The following KGD4 variants were observed in gnomAD, a reference collection of about 807,000 sequenced individuals.
KGD4 encodes alpha-ketoglutarate dehydrogenase component 4.
chr5:69,218,436 CTT>C, the KGD4 span, among the ~76,000 whole-genome samples: 9 of 150,610 alleles, frequency 6.0e-5, no homozygotes, highest in African/African-American at 1.7e-4. Flanking sequence ...GAAAAGTAAA[CTT>C]AAGTTTAATT....
At chr5:69,226,409 G>A in the KGD4 span, 1 of 1,565,866 alleles carries the variant, frequency 6.4e-7, no homozygotes, top group Non-Finnish European at 8.7e-7. Flanking sequence ...ATGGTGAGTT[G>A]TATTTTATTT....
At chr5:69,220,726 C>T in the KGD4 span, among the ~76,000 whole-genome samples, 4 of 151,530 alleles carry the variant, frequency 2.6e-5, no homozygotes, top group Admixed American at 6.6e-5. Flanking sequence ...ATGACGATGG[C>T]GGTTTTGTCG....
the KGD4 span, among the ~76,000 whole-genome samples, chr5:69,222,807 G>A: frequency 6.8e-6 from 1 of 146,134 alleles, no homozygotes; most frequent in East Asian, 2.1e-4. Flanking sequence ...TTTTTTTTGA[G>A]ACAGAGCCTC....
chr5:69,220,666 G>A, the KGD4 span, among the ~76,000 whole-genome samples: 1 of 152,136 alleles, frequency 6.6e-6, no homozygotes, highest in Non-Finnish European at 1.5e-5. Context: ...CCTTTCTGCA[G>A]GTGTACCCAA....
chr5:69,218,470 ATGTGTGTGTGTG>A, the KGD4 span, among the ~76,000 whole-genome samples: 9 of 148,632 alleles, frequency 6.1e-5, no homozygotes, highest in African/African-American at 1.7e-4. Context: ...GTGTATATTA[ATGTGTGTGTGTG>A]TGTGTGTGTG....
the KGD4 span, chr5:69,229,331 T>C: frequency 1.1e-6 from 1 of 904,780 alleles, no homozygotes; most frequent in Non-Finnish European, 1.6e-6. Flanking sequence ...TAATAAATAT[T>C]ATGAAAAAAA....
chr5:69,218,910 T>C, the KGD4 span, among the ~76,000 whole-genome samples: 1 of 152,214 alleles, frequency 6.6e-6, no homozygotes, highest in African/African-American at 2.4e-5. Flanking sequence ...TTAAAGATTC[T>C]GTAAGGACTG....
At chr5:69,226,514 G>A in the KGD4 span, 1 of 767,842 alleles carries the variant, frequency 1.3e-6, no homozygotes, top group Non-Finnish European at 2.1e-6. Flanking sequence ...GACTATTGTA[G>A]CTTAGATCAA....
the KGD4 span, among the ~76,000 whole-genome samples, chr5:69,225,463 C>T: frequency 6.6e-6 from 1 of 151,744 alleles, no homozygotes; most frequent in African/African-American, 2.4e-5. Flanking sequence ...TACGAGGTTT[C>T]ACCCTGTTGG....
chr5:69,228,080 A>G, the KGD4 span: 1 of 733,954 alleles, frequency 1.4e-6, no homozygotes, highest in South Asian at 2.6e-5. Flanking sequence ...ATACTTCAAG[A>G]GTTATTTGAA....
the KGD4 span, among the ~76,000 whole-genome samples, chr5:69,222,972 T>G: frequency 6.6e-6 from 1 of 150,590 alleles, no homozygotes; most frequent in Non-Finnish European, 1.5e-5. Flanking sequence ...GAGACAGGGT[T>G]TCACCGTCTT....
At chr5:69,228,201 A>G in the KGD4 span, 43 of 1,537,234 alleles carry the variant, frequency 2.8e-5, no homozygotes, top group Non-Finnish European at 3.5e-5. Flanking sequence ...TAATTTCAGT[A>G]TCAGAAGCTT....
the KGD4 span, among the ~76,000 whole-genome samples, chr5:69,218,460 G>A: frequency 7.6e-6 from 1 of 130,892 alleles, no homozygotes; most frequent in African/African-American, 2.8e-5. Flanking sequence ...GTATGTGTGT[G>A]TGTATATTAA....
chr5:69,225,029 G>A, the KGD4 span, among the ~76,000 whole-genome samples: 4 of 149,590 alleles, frequency 2.7e-5, no homozygotes, highest in South Asian at 2.1e-4. Flanking sequence ...AGCTGAGATC[G>A]TGCCGCTGCA....
At chr5:69,225,730 A>G in the KGD4 span, among the ~76,000 whole-genome samples, 1 of 151,920 alleles carries the variant, frequency 6.6e-6, no homozygotes, top group East Asian at 1.9e-4. Flanking sequence ...ACAGGCACGC[A>G]TCACCATGCC....
At chr5:69,224,375 A>AG in the KGD4 span, among the ~76,000 whole-genome samples, 91,539 of 150,728 alleles carry the variant, frequency 0.61, 28,414 homozygotes, top group African/African-American at 0.74. Context: ...TGGGTGACAG[A>AG]GGAGACTCCA....
At chr5:69,226,119 C>T in the KGD4 span, among the ~76,000 whole-genome samples, 70 of 152,108 alleles carry the variant, frequency 4.6e-4, no homozygotes, top group Non-Finnish European at 9.1e-4. Flanking sequence ...AGTACACCTT[C>T]GATAGTACAA....
the KGD4 span, among the ~76,000 whole-genome samples, chr5:69,227,163 C>T: frequency 6.6e-6 from 1 of 152,168 alleles, no homozygotes; most frequent in South Asian, 2.1e-4. Flanking sequence ...GAGCCACTCA[C>T]CTGGCCTTTA....
the KGD4 span, among the ~76,000 whole-genome samples, chr5:69,221,426 T>C: frequency 1.3e-5 from 2 of 152,182 alleles, no homozygotes; most frequent in Non-Finnish European, 2.9e-5. Context: ...AATCCAGTGC[T>C]ATGCTATTTA....
Sources: allele counts gnomAD v4.1 joint callset (sites outside exome capture counted in the v4.1 genomes callset), GRCh38; gene constraint gnomAD v4.1.1; transcripts MANE v1.5; gene names NCBI Gene and HGNC (gene_info 2026-07-23, HGNC 2026-07-21).